The following DGKI variants were observed in gnomAD, a reference collection of about 807,000 sequenced individuals.
DGKI encodes the protein diacylglycerol kinase iota, also known as DAG kinase iota.
In DGKI, 55 loss-of-function variants were observed where a neutral mutation model predicts 147.5. The ratio of observed to expected loss-of-function variants is 0.37; its 90% CI spans 0.30 to 0.47. DGKI has a LOEUF of 0.47. DGKI is among the 20% of genes least tolerant of loss of function. DGKI has a pLI of 1.00. For missense variants in DGKI, 1,007 were observed against 1,323.8 expected (o/e 0.76, Z 3.71); for synonymous variants, 469 against 477.1 (o/e 0.98, Z 0.22).
chr7:137,793,295 T>C (rs1339327271), intron 1 of DGKI, among the ~76,000 whole-genome samples: 1 of 148,532 alleles, frequency 6.7e-6, no homozygotes, highest in Non-Finnish European at 1.5e-5. Context: ...AGCATTTTGC[T>C]GCCTTTTTTT....
chr7:137,806,730 G>A, intron 1 of DGKI, among the ~76,000 whole-genome samples: 1 of 152,176 alleles, frequency 6.6e-6, no homozygotes, highest in East Asian at 1.9e-4. Flanking sequence ...ACCGCACCCG[G>A]CCTGAACCTC....
intron 20 of DGKI, among the ~76,000 whole-genome samples, chr7:137,534,032 T>C (rs1006147479): frequency 6.6e-6 from 1 of 152,136 alleles, no homozygotes; most frequent in Non-Finnish European, 1.5e-5. Context: ...TTCAGGGTGT[T>C]ATGAGAGACC....
chr7:137,419,870 A>G (rs1458609908), intron 28 of DGKI, among the ~76,000 whole-genome samples: 1 of 152,252 alleles, frequency 6.6e-6, no homozygotes, highest in African/African-American at 2.4e-5. Flanking sequence ...ATTAGAACAG[A>G]TTTAAGATTA....
At chr7:137,606,942 C>T in intron 10 of DGKI, among the ~76,000 whole-genome samples, 1 of 152,182 alleles carries the variant, frequency 6.6e-6, no homozygotes, top group East Asian at 1.9e-4. Flanking sequence ...TGTACCCCAA[C>T]AGTGAAGACG....
chr7:137,422,795 G>A (rs533575765), intron 28 of DGKI, among the ~76,000 whole-genome samples: 517 of 151,666 alleles, frequency 3.4e-3, no homozygotes, highest in African/African-American at 0.011. Flanking sequence ...TAGTAGAGAC[G>A]GGTTTTAACC....
At chr7:137,690,221 T>TG (rs1471500249) in intron 1 of DGKI, among the ~76,000 whole-genome samples, 3 of 152,064 alleles carry the variant, frequency 2.0e-5, no homozygotes, top group Admixed American at 6.6e-5. Flanking sequence ...GGGACCACTG[T>TG]GGGGAAATAG....
intron 23 of DGKI, among the ~76,000 whole-genome samples, chr7:137,480,827 C>T (rs1433444615): frequency 6.6e-6 from 1 of 152,076 alleles, no homozygotes; most frequent in Non-Finnish European, 1.5e-5. Context: ...TTTAATGCCC[C>T]ATAAAGAATC....
chr7:137,449,657 T>C (rs1813873347), intron 27 of DGKI, among the ~76,000 whole-genome samples: 1 of 152,106 alleles, frequency 6.6e-6, no homozygotes, highest in Non-Finnish European at 1.5e-5. Context: ...TTCAAAAGCT[T>C]CTACACAGCA....
At chr7:137,680,330 T>C (rs770215308) in intron 2 of DGKI, among the ~76,000 whole-genome samples, 3 of 152,236 alleles carry the variant, frequency 2.0e-5, no homozygotes, top group Non-Finnish European at 4.4e-5. Context: ...CATTTTGTTA[T>C]AGCAGCCTGA....
intron 1 of DGKI, among the ~76,000 whole-genome samples, chr7:137,750,973 TC>T (rs1225824948): frequency 1.3e-5 from 2 of 152,172 alleles, no homozygotes; most frequent in Non-Finnish European, 2.9e-5. Flanking sequence ...TCGGCCCCCG[TC>T]TTTTCAGCTG....
At chr7:137,657,833 G>A (rs1822280757) in intron 3 of DGKI, among the ~76,000 whole-genome samples, 1 of 152,188 alleles carries the variant, frequency 6.6e-6, no homozygotes, top group African/African-American at 2.4e-5. Context: ...CACTTTGGAG[G>A]GGTAGGATTA....
At chr7:137,610,971 G>A (rs908332064) in intron 8 of DGKI, among the ~76,000 whole-genome samples, 1 of 152,188 alleles carries the variant, frequency 6.6e-6, no homozygotes, top group African/African-American at 2.4e-5. Flanking sequence ...CAGGAAAAGA[G>A]AGATCGAGGA....
chr7:137,777,906 G>A (rs898775034), intron 1 of DGKI, among the ~76,000 whole-genome samples: 7 of 152,102 alleles, frequency 4.6e-5, no homozygotes, highest in South Asian at 2.1e-4. Context: ...CTAAAATTTC[G>A]TCATAAATAC....
chr7:137,442,353 T>TA (rs1325742596), intron 28 of DGKI, among the ~76,000 whole-genome samples: 2 of 152,182 alleles, frequency 1.3e-5, no homozygotes, highest in African/African-American at 4.8e-5. Flanking sequence ...CATAACCACT[T>TA]AAGAAGTCCT....
At chr7:137,762,546 C>T (rs1283132820) in intron 1 of DGKI, among the ~76,000 whole-genome samples, 1 of 152,210 alleles carries the variant, frequency 6.6e-6, no homozygotes, top group Non-Finnish European at 1.5e-5. Flanking sequence ...CATGTTGTCT[C>T]ACACCCAGGT....
chr7:137,574,360 T>G (rs1818897658), intron 17 of DGKI, among the ~76,000 whole-genome samples: 1 of 152,226 alleles, frequency 6.6e-6, no homozygotes, highest in Non-Finnish European at 1.5e-5. Context: ...TATAAATGAC[T>G]ATGCCAATGA....
intron 21 of DGKI, chr7:137,493,638 C>T: frequency 9.0e-6 from 6 of 668,030 alleles, no homozygotes; most frequent in Non-Finnish European, 1.6e-5. Context: ...CACCCAACAA[C>T]ACCAAAGAAA....
At chr7:137,758,470 G>T (rs1341288665) in intron 1 of DGKI, among the ~76,000 whole-genome samples, 2 of 152,182 alleles carry the variant, frequency 1.3e-5, no homozygotes, top group Non-Finnish European at 2.9e-5. Flanking sequence ...TGGATCACTT[G>T]AGGTCAGGAG....
At chr7:137,466,116 A>G (rs946335474) in intron 25 of DGKI, 81 bp from the exon 26 acceptor site, 1 of 1,521,978 alleles carries the variant, frequency 6.6e-7, no homozygotes, top group African/African-American at 1.4e-5. Flanking sequence ...AAATTCTGCA[A>G]CGTGTCAAAG....
Sources: gnomAD v4.1 joint callset for allele counts (sites outside exome capture counted in the v4.1 genomes callset) on GRCh38, gnomAD v4.1.1 for gene constraint, MANE v1.5 for transcripts, NCBI Gene and HGNC (gene_info 2026-07-23, HGNC 2026-07-21) for gene names.